The following DAB1 variants were observed in gnomAD, a reference collection of about 807,000 sequenced individuals.
DAB1 encodes the protein DAB adaptor protein 1, also known as disabled homolog 1.
Under a neutral mutation model 64.6 loss-of-function variants are expected in DAB1, and 15 were observed. The ratio of observed to expected loss-of-function variants is 0.23; its 90% CI spans 0.16 to 0.36. DAB1 has a LOEUF of 0.36. Ranked by LOEUF, DAB1 falls within the 10% of genes least tolerant of loss-of-function variation. The pLI is 1.00. For synonymous variants in DAB1, 235 were observed against 251.9 expected (o/e 0.93, Z 0.64); for missense variants, 596 against 706.7 (o/e 0.84, Z 1.78).
At chr1:57,576,579 A>G (rs1340120855) in intron 7 of DAB1, among the ~76,000 whole-genome samples, 1 of 152,180 alleles carries the variant, frequency 6.6e-6, no homozygotes, top group Admixed American at 6.5e-5. Context: ...TATCTCCTAC[A>G]AGTTTCAGAG....
chr1:57,427,076 G>T (rs1156579208), upstream of DAB1, among the ~76,000 whole-genome samples: 2 of 151,894 alleles, frequency 1.3e-5, no homozygotes, highest in African/African-American at 4.8e-5. Context: ...TGTTAGCCAG[G>T]ATGGTCTCGA....
intron 6 of DAB1, among the ~76,000 whole-genome samples, chr1:57,661,719 T>C (rs560723065): frequency 6.6e-6 from 1 of 152,360 alleles, no homozygotes; most frequent in South Asian, 2.1e-4. Flanking sequence ...AGATTACTTA[T>C]AATATTAATA....
At chr1:58,028,162 A>G (rs868536846) in intron 5 of DAB1, among the ~76,000 whole-genome samples, 2 of 152,188 alleles carry the variant, frequency 1.3e-5, no homozygotes, top group East Asian at 3.9e-4. Flanking sequence ...GTTGATTATT[A>G]TCTGCAGTAG....
chr1:57,459,644 A>G lies in DAB1; in HGVS notation n.626-168478T>C, dbSNP rs74074727. On this transcript the variant is annotated intron_variant and non_coding_transcript_variant, in intron 7 of 20. Coordinates refer to the DAB1 transcript ENST00000485760. ...GACCTTGGAGATCACCATCTAGCAA[A>G]ACCTTAAATTTACAGAGGAAGAAAC... Among the ~76,000 whole-genome samples the G allele has an allele frequency of 5.3e-3, 802 of 152,290 alleles. 9 individuals carry two copies. Among genetic ancestry groups the G allele is most frequent in the African/African-American group, 0.019 (772 of 41,562 alleles).
intron 4 of DAB1, among the ~76,000 whole-genome samples, chr1:57,090,953 C>A (rs922292536): frequency 6.6e-6 from 1 of 152,250 alleles, no homozygotes; most frequent in East Asian, 1.9e-4. Flanking sequence ...GTTGCACACT[C>A]CTTACGAGAA....
intron 4 of DAB1, among the ~76,000 whole-genome samples, chr1:58,202,408 A>G (rs1658046465): frequency 6.6e-6 from 1 of 152,234 alleles, no homozygotes; most frequent in Non-Finnish European, 1.5e-5. Flanking sequence ...TGCCAAGGTC[A>G]CTGTAGCAAA....
At chr1:57,516,591 T>C (rs1189509719) in intron 7 of DAB1, among the ~76,000 whole-genome samples, 1 of 152,208 alleles carries the variant, frequency 6.6e-6, no homozygotes, top group Non-Finnish European at 1.5e-5. Context: ...ATCTGATTGC[T>C]CAGAAACTTC....
rs147876561 is a variant in DAB1 at position 57,015,085 on chromosome 1, C to T, written c.1242G>A (p.Thr414=). ...DKPRQKMGKE[T]FKDFQMAQPP... is the part of the protein sequence containing the mutation. ...GCTGGGCCATCTGGAAATCCTTAAA[C>T]GTTTCTTTGCCCATTTTCTGCCTGG... The change falls in exon 12 of 15, where the codon ACG becomes ACA. Residue 414 remains threonine (T), a synonymous_variant. Coordinates refer to ENST00000371236, the MANE Select transcript of DAB1 (RefSeq NM_001365792.1). The T allele has an allele frequency of 1.2e-4, 188 of 1,614,214 alleles. 1 individual carries two copies. Among genetic ancestry groups the T allele is most frequent in the African/African-American group, 8.3e-4 (62 of 75,064 alleles).
chr1:57,079,389 C>T (rs1652279070), intron 4 of DAB1, among the ~76,000 whole-genome samples: 1 of 152,142 alleles, frequency 6.6e-6, no homozygotes, highest in Non-Finnish European at 1.5e-5. Flanking sequence ...TCCTCTCCAT[C>T]TCCACCAGCA....
chr1:58,056,584 T>G (rs2100541659), intron 5 of DAB1: 1 of 712,202 alleles, frequency 1.4e-6, no homozygotes, highest in African/African-American at 1.7e-5. Flanking sequence ...TCTCAGGCTC[T>G]GCCTTCTCAT....
At chr1:57,581,705 TAAATC>T (rs57855250) in intron 7 of DAB1, among the ~76,000 whole-genome samples, 4,882 of 148,416 alleles carry the variant, frequency 0.033, 293 homozygotes, top group African/African-American at 0.11. Context: ...TACTATATAA[TAAATC>T]TAATATATTA....
Position 57,992,760 on chromosome 1 carries a change from G to A in DAB1, n.388-108598C>T, listed in dbSNP as rs149994570. 2.9e-3 allele frequency among the ~76,000 whole-genome samples: 439 copies of A among 151,986 alleles called. 1 individual carries two copies. Among genetic ancestry groups the A allele is most frequent in the African/African-American group, 0.01 (417 of 41,436 alleles). On this transcript the variant is annotated intron_variant and non_coding_transcript_variant, in intron 5 of 20. Coordinates refer to the DAB1 transcript ENST00000485760. Reference sequence around the variant, plus strand: ...AATCCTTGTGGTGGTGTTTTACCATGTATCTAGATGCTGTGTTTTCACTGC... The same window carrying A: ...AATCCTTGTGGTGGTGTTTTACCATATATCTAGATGCTGTGTTTTCACTGC...
intron 1 of DAB1, among the ~76,000 whole-genome samples, chr1:57,872,281 G>T (rs769200271): frequency 6.6e-6 from 1 of 152,108 alleles, no homozygotes; most frequent in African/African-American, 2.4e-5. Flanking sequence ...GACATAATTA[G>T]CTCATGGAAG....
At chr1:57,863,740 G>A (rs77705746) in intron 1 of DAB1, among the ~76,000 whole-genome samples, 4,406 of 152,132 alleles carry the variant, frequency 0.029, 101 homozygotes, top group East Asian at 0.13. Flanking sequence ...ATTTAAAGAG[G>A]AGAAAAAGAA....
chr1:57,833,612 G>A (rs1652685909), intron 1 of DAB1, among the ~76,000 whole-genome samples: 1 of 152,192 alleles, frequency 6.6e-6, no homozygotes, highest in South Asian at 2.1e-4. Context: ...AAGTGAATGA[G>A]TGAGTGAGTT....
chr1:58,361,362 A>T (rs929362100), intron 3 of DAB1, among the ~76,000 whole-genome samples: 4 of 152,190 alleles, frequency 2.6e-5, no homozygotes, highest in African/African-American at 9.7e-5. Flanking sequence ...TGCAGATTGG[A>T]CCACTAAGGA....
At chr1:58,202,746 C>T (rs1337131567) in intron 4 of DAB1, among the ~76,000 whole-genome samples, 2 of 152,200 alleles carry the variant, frequency 1.3e-5, no homozygotes, top group African/African-American at 2.4e-5. Context: ...ATCACCTGCA[C>T]TATGGGGTTG....
chr1:57,564,487 G>A (rs1350493756), intron 7 of DAB1, among the ~76,000 whole-genome samples: 1 of 152,166 alleles, frequency 6.6e-6, no homozygotes, highest in Non-Finnish European at 1.5e-5. Context: ...ACTTCTCCGA[G>A]CTAAAGGAGG....
intron 1 of DAB1, among the ~76,000 whole-genome samples, chr1:57,841,874 T>C (rs1442401538): frequency 6.6e-6 from 1 of 152,206 alleles, no homozygotes; most frequent in South Asian, 2.1e-4. Flanking sequence ...GCAATTAACA[T>C]TTGGCTCCTT....
Sources: gnomAD v4.1 joint callset for allele counts (sites outside exome capture counted in the v4.1 genomes callset) on GRCh38, gnomAD v4.1.1 for gene constraint, MANE v1.5 for transcripts, NCBI Gene and HGNC (gene_info 2026-07-23, HGNC 2026-07-21) for gene names.